Variants in GP2 observed in about 807,000 individuals in gnomAD.
GP2 encodes pancreatic secretory granule membrane major glycoprotein GP2.
In GP2, 58 loss-of-function variants were observed where a neutral mutation model predicts 60.8. The observed-to-expected ratio is 0.95, with a 90% CI of 0.77 to 1.19. The LOEUF (loss-of-function observed/expected upper bound fraction) is 1.19. Ranked by LOEUF, GP2 falls within the 50% of genes most tolerant of loss-of-function variation. The pLI is 0.00. For synonymous variants in GP2, 280 were observed against 253.4 expected, an observed-to-expected ratio of 1.10 and a Z score of -1.00; for missense variants, 647 against 667.4, an observed-to-expected ratio of 0.97 and a Z score of 0.34.
intron 9 of GP2, among the ~76,000 whole-genome samples, chr16:20,315,375 A>C (rs1964132387): frequency 6.6e-6 from 1 of 152,190 alleles, no homozygotes; most frequent in Admixed American, 6.5e-5. Context: ...ACACTAACTA[A>C]ACACTACTGT....
At chr16:20,316,924 T>C in intron 8 of GP2, among the ~76,000 whole-genome samples, 1 of 149,752 alleles carries the variant, frequency 6.7e-6, no homozygotes. Flanking sequence ...TCTCTTCCCT[T>C]TCCCCTCCCT....
chr16:20,317,095 C>CT, intron 8 of GP2, 118 bp downstream of exon 8: 3 of 275,208 alleles, frequency 1.1e-5, no homozygotes, highest in South Asian at 9.5e-5. Context: ...CTGTCCCTCC[C>CT]TTTCCCCTCC....
At chr16:20,317,688 T>C (rs1405880576) in intron 7 of GP2, among the ~76,000 whole-genome samples, 2 of 152,238 alleles carry the variant, frequency 1.3e-5, no homozygotes, top group East Asian at 3.8e-4. Flanking sequence ...ATGAGACTGA[T>C]GTGAGCATTT....
At chr16:20,311,930 T>C (rs1427819726) in intron 10 of GP2, among the ~76,000 whole-genome samples, 1 of 152,236 alleles carries the variant, frequency 6.6e-6, no homozygotes, top group Non-Finnish European at 1.5e-5. Flanking sequence ...ATCTCAGCTC[T>C]ACACCTAGCT....
At chr16:20,318,560 G>T (rs549192706) in intron 6 of GP2, 130 bp from the exon 7 acceptor site, 1 of 779,840 alleles carries the variant, frequency 1.3e-6, no homozygotes, top group East Asian at 2.5e-5. Flanking sequence ...TCAATCAGTC[G>T]TTTAAACTGA....
intron 4 of GP2, among the ~76,000 whole-genome samples, chr16:20,321,578 T>C (rs1029006462): frequency 6.6e-6 from 1 of 152,164 alleles, no homozygotes; most frequent in Non-Finnish European, 1.5e-5. Context: ...CACAGTGGTA[T>C]GAAATTTGAA....
At chr16:20,324,280 T>G (rs1467131971) in intron 2 of GP2, 24 bp from the exon 3 acceptor site, 1 of 1,508,738 alleles carries the variant, frequency 6.6e-7, no homozygotes, top group South Asian at 1.2e-5. Context: ...AGAGTGCAGT[T>G]GGGTTTACTG....
intron 1 of GP2, chr16:20,326,945 A>T (rs1964550527): frequency 1.2e-5 from 2 of 167,148 alleles, no homozygotes; most frequent in Admixed American, 1.1e-4. Context: ...AGGATTAAGG[A>T]TGAATAAATA....
At chr16:20,313,202 AG>A (rs1193240957) in intron 10 of GP2, among the ~76,000 whole-genome samples, 1 of 152,092 alleles carries the variant, frequency 6.6e-6, no homozygotes, top group African/African-American at 2.4e-5. Context: ...ACATATTTCT[AG>A]TACCCTATAA....
rs563177356 is a variant in GP2 at position 20,319,192 on chromosome 16, A to T, written c.1007+428T>A. Reference sequence around the variant, plus strand: ...TCTGTCCCCATCAAACCCACCACCAACAGGGGTCTGGAACCCCTGTTCCCT... The same window carrying T: ...TCTGTCCCCATCAAACCCACCACCATCAGGGGTCTGGAACCCCTGTTCCCT... On this transcript the variant is annotated intron_variant, in intron 6 of 10. Coordinates refer to ENST00000302555, the MANE Select transcript of GP2 (RefSeq NM_001502.4). 2.6e-5 allele frequency among the ~76,000 whole-genome samples: 4 copies of T among 152,192 alleles called. No homozygotes were observed. In the South Asian group the frequency reaches 8.3e-4, roughly 32 times the overall value.
In GP2 at chr16:20,324,057, T is replaced by A; in HGVS notation, c.294A>T (p.Glu98Asp). Residue 98 changes from glutamate to aspartate, a missense_variant, in exon 3 of 11, where the codon GAA becomes GAT. Glu to Asp is a conservative substitution (Grantham distance 45, BLOSUM62 2). Coordinates refer to ENST00000302555, the MANE Select transcript of GP2 (RefSeq NM_001502.4). ...AGGTCTCCGACATCCTTACTCCTCC[T>A]TCCCCTACAAAGCGGTACCAGCCGC... Reference protein sequence around the residue: ...NMSGWYRFVGEGGVRMSETCV... With the variant: ...NMSGWYRFVGDGGVRMSETCV... 2 of 1,613,936 alleles carry A rather than the reference T, an allele frequency of 1.2e-6. No homozygotes were observed. Among genetic ancestry groups the A allele is most frequent in the Non-Finnish European group, 1.7e-6 (2 of 1,179,768 alleles).
At chr16:20,312,057 T>A (rs544181136) in intron 10 of GP2, among the ~76,000 whole-genome samples, 2 of 152,352 alleles carry the variant, frequency 1.3e-5, no homozygotes, top group Admixed American at 1.3e-4. Flanking sequence ...ATGAGTGAGT[T>A]CATATTAAGC....
chr16:20,314,004 G>A (rs1964075146), intron 10 of GP2, among the ~76,000 whole-genome samples: 1 of 152,102 alleles, frequency 6.6e-6, no homozygotes, highest in African/African-American at 2.4e-5. Context: ...ATGTGTGACA[G>A]AAATGAATGT....
chr16:20,315,860 A>C, intron 9 of GP2, 96 bp downstream of exon 9: 1 of 775,320 alleles, frequency 1.3e-6, no homozygotes, highest in Non-Finnish European at 2.4e-6. Context: ...GAGGTGGTAC[A>C]AGAGCCCTGA....
At position 20,320,280 on chromosome 16, in the gene GP2, G is replaced by A; in HGVS notation, c.840C>T (p.Ala280=). The change falls in exon 5 of 11, where the codon GCC becomes GCT. Residue 280 remains alanine (A), a synonymous_variant. Coordinates refer to ENST00000302555, the MANE Select transcript of GP2 (RefSeq NM_001502.4). Reference sequence around the variant, plus strand: ...CACTTACCTCCAGAATGTTCCTGCAGGCACTAGCCTGGACGGGGCTGGTCA... The same window carrying A: ...CACTTACCTCCAGAATGTTCCTGCAAGCACTAGCCTGGACGGGGCTGGTCA... The part of the protein sequence containing the change: ...VSVTSPVQAS[A]CRNILERNQT... 5 of 1,613,388 alleles carry A rather than the reference G, an allele frequency of 3.1e-6. No individual in the cohort carries two copies. The South Asian group carries it at 5.5e-5, about 18-fold the overall frequency.
At chr16:20,321,428 C>G (rs1450365714) in intron 4 of GP2, among the ~76,000 whole-genome samples, 1 of 152,196 alleles carries the variant, frequency 6.6e-6, no homozygotes, top group Non-Finnish European at 1.5e-5. Flanking sequence ...ATGAGGATTT[C>G]TTGGTCTTGT....
At chr16:20,314,555 G>A in intron 10 of GP2, 102 bp downstream of exon 10, 1 of 837,586 alleles carries the variant, frequency 1.2e-6, no homozygotes, top group Non-Finnish European at 2.1e-6. Context: ...TCTGATTAAT[G>A]TCAGTGTCCC....
rs2141599874 is a variant in GP2 at position 20,318,306 on chromosome 16, A to G, written c.1132T>C (p.Tyr378His). 1 of 1,614,002 alleles carries G rather than the reference A, an allele frequency of 6.2e-7. No homozygotes were observed. The highest frequency in any genetic ancestry group is 2.2e-5 in the East Asian group (1 of 44,884). The part of the protein sequence containing the change: ...AVELSVESVL[Y>H]VGAILEQGDT... ...CCTTGTTCCAAGATGGCACCCACAT[A>G]CAGCACGGACTCAACAGACAGTTCA... The change falls in exon 7 of 11, where the codon TAT becomes CAT. Residue 378 changes from tyrosine to histidine, a missense_variant. Coordinates refer to ENST00000302555, the MANE Select transcript of GP2 (RefSeq NM_001502.4).
rs373957481 is a variant in GP2, at chr16:20,313,542, G to A, written c.1546+1115C>T. 8.2e-4 allele frequency among the ~76,000 whole-genome samples: 124 copies of A among 152,142 alleles called. 2 individuals carry two copies. The South Asian group carries it at 0.021, about 26-fold the overall frequency. ...TCATTCCCCTAACATTTGCACCTCC[G>A]ACTCATTTTTCTCAATTGGCTTCAA... On this transcript the variant is annotated intron_variant, in intron 10 of 10. Coordinates refer to ENST00000302555, the MANE Select transcript of GP2 (RefSeq NM_001502.4).
Sources: allele counts gnomAD v4.1 joint callset (sites outside exome capture counted in the v4.1 genomes callset), GRCh38; gene constraint gnomAD v4.1.1; transcripts MANE v1.5; gene names NCBI Gene and HGNC (gene_info 2026-07-23, HGNC 2026-07-21).